The following PDE8A variants were observed in gnomAD, a reference collection of about 807,000 sequenced individuals.
PDE8A encodes the protein phosphodiesterase 8A.
PDE8A carries 59 observed loss-of-function variants against 105.0 expected under a neutral mutation model. That is an observed-to-expected ratio of 0.56 (90% CI 0.46 to 0.70). The LOEUF (loss-of-function observed/expected upper bound fraction) is 0.70. Ranked by LOEUF, PDE8A falls within the 30% of genes least tolerant of loss-of-function variation. The pLI is 0.00. For missense variants in PDE8A, 1,014 were observed against 1,045.9 expected (o/e 0.97, Z 0.42); for synonymous variants, 355 against 371.9 (o/e 0.95, Z 0.52).
chr15:85,059,489 A>G (rs985947783), intron 1 of PDE8A, among the ~76,000 whole-genome samples: 1 of 152,108 alleles, frequency 6.6e-6, no homozygotes, highest in Non-Finnish European at 1.5e-5. Flanking sequence ...TTTTTACTTT[A>G]TATATTTTAA....
rs762620383 is a variant in PDE8A at position 85,130,071 on chromosome 15, C to T, written c.2253+3697C>T. Among the ~76,000 whole-genome samples, 8 of 152,280 alleles carry T rather than the reference C, an allele frequency of 5.3e-5. No individual in the cohort carries two copies. In the East Asian group the frequency reaches 9.6e-4, roughly 18 times the overall value. ...ATAGAACTAACATCTGCTCAGCTTC[C>T]GGTGAGGGCTCAGGAAGCTTATGAT... On this transcript the variant is annotated intron_variant, in intron 20 of 21. Transcript: ENST00000394553.
At chr15:84,992,343 A>G (rs756799538) in intron 1 of PDE8A, among the ~76,000 whole-genome samples, 6 of 152,126 alleles carry the variant, frequency 3.9e-5, no homozygotes, top group Non-Finnish European at 7.4e-5. Context: ...ATAAGTGGAA[A>G]ATATATCTCT....
chr15:85,138,387 C>T lies in PDE8A; in HGVS notation c.*484C>T, dbSNP rs1177047980. 6.6e-6 allele frequency: 1 copy of T among 152,628 alleles called. No individual in the cohort carries two copies. Among genetic ancestry groups the T allele is most frequent in the Non-Finnish European group, 1.5e-5 (1 of 68,120 alleles). 9.5% of individuals were successfully genotyped at this position (152,628 alleles called of 1,614,324 possible). On this transcript the variant is annotated 3_prime_UTR_variant, in exon 22 of 22. Transcript: ENST00000394553. ...TGACTTCTCTTTTAAAATTGAGTAG[C>T]AGATGAAAAATTAAAATTTGAACTT...
chr15:85,007,399 G>A lies in PDE8A; in HGVS notation c.186+25051G>A, dbSNP rs566115639. On this transcript the variant is annotated intron_variant, in intron 1 of 21. Transcript: ENST00000394553. ...GAATTCAGCACAGTGGTACTGGGAGGGGACACAGGGCGGCTTCTAGTATGC... is the reference window on the plus strand; with the variant it reads ...GAATTCAGCACAGTGGTACTGGGAGAGGACACAGGGCGGCTTCTAGTATGC... Among the ~76,000 whole-genome samples the A allele has an allele frequency of 2.0e-5, 3 of 150,398 alleles. No individual in the cohort carries two copies. In the South Asian group the frequency reaches 6.5e-4, roughly 32 times the overall value.
intron 2 of PDE8A, among the ~76,000 whole-genome samples, chr15:85,065,579 TATATG>T (rs1309813848): frequency 1.3e-5 from 2 of 152,070 alleles, no homozygotes; most frequent in East Asian, 3.9e-4. Flanking sequence ...CATTTAAAAA[TATATG>T]AGAAGTGCTG....
At chr15:85,097,006 A>G (rs1596515473) in intron 8 of PDE8A, among the ~76,000 whole-genome samples, 1 of 152,168 alleles carries the variant, frequency 6.6e-6, no homozygotes, top group African/African-American at 2.4e-5. Flanking sequence ...GGCTCTGGAT[A>G]GCAAACCTCA....
intron 1 of PDE8A, among the ~76,000 whole-genome samples, chr15:85,018,173 C>T (rs909356829): frequency 6.6e-6 from 1 of 152,110 alleles, no homozygotes; most frequent in African/African-American, 2.4e-5. Flanking sequence ...GTTTGGATTT[C>T]ATGGTAGCAG....
At chr15:85,026,006 A>G (rs289399) in intron 1 of PDE8A, among the ~76,000 whole-genome samples, 104,828 of 152,080 alleles carry the variant, frequency 0.69, 36,582 homozygotes, top group Non-Finnish European at 0.75. Flanking sequence ...CACAGATTCA[A>G]TAGTGGAAAC....
At chr15:85,092,683 T>C (rs942297179) in intron 8 of PDE8A, among the ~76,000 whole-genome samples, 2 of 152,092 alleles carry the variant, frequency 1.3e-5, no homozygotes, top group African/African-American at 4.8e-5. Flanking sequence ...CACTGAGGCA[T>C]TCCATGTCCC....
At chr15:84,999,363 T>TCTGA (rs1196335522) in intron 1 of PDE8A, among the ~76,000 whole-genome samples, 1 of 152,190 alleles carries the variant, frequency 6.6e-6, no homozygotes, top group Non-Finnish European at 1.5e-5. Context: ...CCTCAGGTGA[T>TCTGA]CTGCCTGCCT....
chr15:85,060,612 C>G (rs1211844453), intron 1 of PDE8A, among the ~76,000 whole-genome samples: 1 of 152,156 alleles, frequency 6.6e-6, no homozygotes, highest in Non-Finnish European at 1.5e-5. Flanking sequence ...GTTCCTGGAA[C>G]CAATTCCCTG....
At chr15:85,117,175 C>T (rs1159298115) in intron 16 of PDE8A, among the ~76,000 whole-genome samples, 4 of 152,174 alleles carry the variant, frequency 2.6e-5, no homozygotes, top group African/African-American at 4.8e-5. Context: ...CCATTGCATA[C>T]GGCAGTGTCT....
intron 6 of PDE8A, among the ~76,000 whole-genome samples, chr15:85,085,841 C>G (rs890927760): frequency 2.0e-5 from 3 of 151,804 alleles, no homozygotes; most frequent in African/African-American, 4.8e-5. Flanking sequence ...AACCCCGTCT[C>G]TACTAAAAAA....
intron 1 of PDE8A, among the ~76,000 whole-genome samples, chr15:85,016,189 TA>T (rs1443264911): frequency 6.6e-6 from 1 of 152,204 alleles, no homozygotes; most frequent in African/African-American, 2.4e-5. Context: ...ATTGCAAATT[TA>T]AATTTTTATG....
intron 11 of PDE8A, among the ~76,000 whole-genome samples, chr15:85,107,323 T>G (rs1266954804): frequency 2.0e-5 from 3 of 152,220 alleles, no homozygotes; most frequent in South Asian, 2.1e-4. Context: ...GGTGCCACAC[T>G]GAGGAGTTTG....
chr15:85,104,993 C>G (rs2081926876), intron 11 of PDE8A, among the ~76,000 whole-genome samples: 1 of 152,058 alleles, frequency 6.6e-6, no homozygotes, highest in Non-Finnish European at 1.5e-5. Flanking sequence ...AGCAAATAAA[C>G]ATACAGTATA....
intron 1 of PDE8A, among the ~76,000 whole-genome samples, chr15:85,006,845 A>G (rs2080156197): frequency 6.6e-6 from 1 of 152,180 alleles, no homozygotes; most frequent in Non-Finnish European, 1.5e-5. Flanking sequence ...TTCTGGCATT[A>G]GAGACTTTTG....
rs774277625 is a variant in PDE8A, at chr15:85,115,423, C to G, written c.1351-16C>G. On this transcript the variant is annotated splice_polypyrimidine_tract_variant and intron_variant, in intron 14 of 21. Transcript: ENST00000394553. ...GTTGTGACTTTTCTTTTTCTTGTTTCCTTGATTTTTATCAGGATGGTTTGC... is the reference window on the plus strand; with the variant it reads ...GTTGTGACTTTTCTTTTTCTTGTTTGCTTGATTTTTATCAGGATGGTTTGC... The G allele has an allele frequency of 6.6e-7, 1 of 1,518,782 alleles. No homozygotes were observed. Among genetic ancestry groups the G allele is most frequent in the Non-Finnish European group, 8.9e-7 (1 of 1,120,500 alleles). 94.1% of individuals were successfully genotyped at this position (1,518,782 alleles called of 1,614,324 possible).
chr15:85,069,686 G>A (rs1002290789), intron 3 of PDE8A, among the ~76,000 whole-genome samples: 4 of 152,188 alleles, frequency 2.6e-5, no homozygotes, highest in Non-Finnish European at 5.9e-5. Flanking sequence ...CCAGTGACAA[G>A]TAAGCAGAAC....
Sources: gnomAD v4.1 joint callset for allele counts (sites outside exome capture counted in the v4.1 genomes callset) on GRCh38, gnomAD v4.1.1 for gene constraint, MANE v1.5 for transcripts, NCBI Gene and HGNC (gene_info 2026-07-23, HGNC 2026-07-21) for gene names.